Variants in TMEM120B observed in about 807,000 individuals in gnomAD.
TMEM120B encodes transmembrane protein 120B.
In TMEM120B, 31 loss-of-function variants were observed where a neutral mutation model predicts 55.5. The observed-to-expected ratio is 0.56, with a 90% CI of 0.42 to 0.75. The LOEUF is 0.75. Ranked by LOEUF, TMEM120B falls within the 30% of genes least tolerant of loss-of-function variation. The pLI is 0.00. For missense variants in TMEM120B, 399 were observed against 425.5 expected, an observed-to-expected ratio of 0.94 and a Z score of 0.55; for synonymous variants, 203 against 176.3, an observed-to-expected ratio of 1.15 and a Z score of -1.20.
chr12:121,780,773 G>C lies in TMEM120B; in HGVS notation c.*5051G>C. The C allele has an allele frequency of 7.3e-6, 10 of 1,363,786 alleles. No individual in the cohort carries two copies. The highest frequency in any genetic ancestry group is 9.9e-6 in the Non-Finnish European group (10 of 1,006,336). The allele number at this position is 1,363,786 out of a possible 1,614,324, so 84.5% of individuals were successfully genotyped here. A position where few individuals can be genotyped will look rare whatever the true frequency, so the allele number is the denominator to read the frequency against. ...TATTCTTAGAATCTTGCTTCCCTCA[G>C]CTCCCTGAAAGGCCACTAAGGCACC... On this transcript the variant is annotated 3_prime_UTR_variant, in exon 12 of 12. Transcript: ENST00000449592.
chr12:121,718,511 T>C (rs1371234717), intron 1 of TMEM120B, among the ~76,000 whole-genome samples: 2 of 151,814 alleles, frequency 1.3e-5, no homozygotes, highest in Admixed American at 6.6e-5. Flanking sequence ...GTCTCAAAAA[T>C]AAATGAATGA....
intron 7 of TMEM120B, 34 bp downstream of exon 7, chr12:121,771,006 C>G (rs1376560166): frequency 6.2e-7 from 1 of 1,609,242 alleles, no homozygotes; most frequent in Non-Finnish European, 8.5e-7. Context: ...CTCCAGCCTC[C>G]CAGGGAGTAG....
At chr12:121,728,270 A>T (rs538824711) in intron 1 of TMEM120B, among the ~76,000 whole-genome samples, 3 of 151,480 alleles carry the variant, frequency 2.0e-5, no homozygotes, top group South Asian at 2.1e-4. Context: ...TGGGCGGATC[A>T]TGAGGTCAGG....
intron 1 of TMEM120B, among the ~76,000 whole-genome samples, chr12:121,729,541 C>A (rs1426676655): frequency 1.3e-5 from 2 of 151,934 alleles, no homozygotes; most frequent in Non-Finnish European, 2.9e-5. Context: ...TGTGGTGGCT[C>A]ACACCTGTAA....
intron 1 of TMEM120B, among the ~76,000 whole-genome samples, chr12:121,737,454 G>A (rs757459872): frequency 1.3e-4 from 19 of 151,916 alleles, no homozygotes; most frequent in Admixed American, 2.6e-4. Flanking sequence ...GCAGTAAGCC[G>A]AGATTGTGCC....
At chr12:121,767,827 C>T (rs950443251) in intron 6 of TMEM120B, among the ~76,000 whole-genome samples, 4 of 152,152 alleles carry the variant, frequency 2.6e-5, no homozygotes, top group African/African-American at 7.2e-5. Flanking sequence ...GCTCTGGGCA[C>T]GGCGAGCTGT....
At chr12:121,742,289 C>T (rs1184619325) in intron 1 of TMEM120B, among the ~76,000 whole-genome samples, 1 of 151,454 alleles carries the variant, frequency 6.6e-6, no homozygotes, top group Non-Finnish European at 1.5e-5. Flanking sequence ...AGACGTGAGC[C>T]ACCGTGCCCG....
intron 8 of TMEM120B, among the ~76,000 whole-genome samples, chr12:121,772,101 TTCTC>T (rs1013708339): frequency 1.4e-5 from 2 of 139,876 alleles, no homozygotes; most frequent in Non-Finnish European, 3.0e-5. Context: ...CTCTCTCTCT[TTCTC>T]TCTTTCTCTC....
intron 6 of TMEM120B, among the ~76,000 whole-genome samples, chr12:121,767,771 C>T (rs1873896601): frequency 6.6e-6 from 1 of 152,190 alleles, no homozygotes. Flanking sequence ...CTAGCCTCAC[C>T]CGATGTCACT....
At chr12:121,763,123 C>A (rs1317475078) in intron 6 of TMEM120B, among the ~76,000 whole-genome samples, 1 of 150,190 alleles carries the variant, frequency 6.7e-6, no homozygotes, top group African/African-American at 2.4e-5. Context: ...AGGTCTAATT[C>A]CTTTTGGGGG....
intron 6 of TMEM120B, among the ~76,000 whole-genome samples, chr12:121,767,023 TG>T: frequency 1.3e-5 from 2 of 152,308 alleles, no homozygotes; most frequent in Admixed American, 1.3e-4. Flanking sequence ...GCCATGTTAA[TG>T]TGTCCTGAAG....
chr12:121,744,046 G>GTC (rs1341097303), intron 2 of TMEM120B, among the ~76,000 whole-genome samples: 3 of 150,234 alleles, frequency 2.0e-5, no homozygotes, highest in African/African-American at 7.3e-5. Context: ...GAAGGAGAGT[G>GTC]TCTCTCTTTT....
chr12:121,714,644 C>T (rs1403720260), intron 1 of TMEM120B, among the ~76,000 whole-genome samples: 1 of 149,994 alleles, frequency 6.7e-6, no homozygotes, highest in African/African-American at 2.5e-5. Context: ...TCACTGCAAC[C>T]TCCGCCTCCC....
intron 1 of TMEM120B, among the ~76,000 whole-genome samples, chr12:121,718,634 T>C (rs1894743623): frequency 6.6e-6 from 1 of 152,164 alleles, no homozygotes; most frequent in Non-Finnish European, 1.5e-5. Context: ...GCTGTATAAC[T>C]CAGATACTAA....
chr12:121,713,616 C>A (rs559528046), intron 1 of TMEM120B, among the ~76,000 whole-genome samples: 14 of 152,260 alleles, frequency 9.2e-5, no homozygotes, highest in East Asian at 7.7e-4. Context: ...TGGCCCGGAG[C>A]CTTACACGGG....
chr12:121,716,328 A>G (rs1483817705), intron 1 of TMEM120B, among the ~76,000 whole-genome samples: 1 of 149,878 alleles, frequency 6.7e-6, no homozygotes, highest in Non-Finnish European at 1.5e-5. Flanking sequence ...AAAAAAAGAG[A>G]TTTGTTGGGG....
At position 121,775,844 on chromosome 12, in the gene TMEM120B, T is replaced by C. The variant is rs748602001; in HGVS notation, c.*122T>C. ...GAGGGCCCAGGCCCTGGTCCCCCAGTGGACCCCAGTGGTCTAGAGGAATGT... is the reference window on the plus strand; with the variant it reads ...GAGGGCCCAGGCCCTGGTCCCCCAGCGGACCCCAGTGGTCTAGAGGAATGT... On this transcript the variant is annotated 3_prime_UTR_variant, in exon 12 of 12. Coordinates refer to ENST00000449592, the MANE Select transcript of TMEM120B (RefSeq NM_001080825.2). The surrounding 1 kb of genome is among the most constrained non-coding windows in gnomAD (Gnocchi z 4.3). The C allele has an allele frequency of 1.1e-4, 105 of 986,162 alleles. No individual in the cohort carries two copies. In the African/African-American group the frequency reaches 1.6e-3, roughly 15 times the overall value. The allele number at this position is 986,162 out of a possible 1,614,324, so 61.1% of individuals were successfully genotyped here. A position where few individuals can be genotyped will look rare whatever the true frequency, so the allele number is the denominator to read the frequency against.
intron 1 of TMEM120B, among the ~76,000 whole-genome samples, chr12:121,718,933 C>T (rs946556932): frequency 3.9e-5 from 6 of 152,184 alleles, no homozygotes; most frequent in Non-Finnish European, 8.8e-5. Flanking sequence ...TATTCTCAGG[C>T]AGTCCCTCCC....
At position 121,776,390 on chromosome 12, in the gene TMEM120B, C is replaced by CG; in HGVS notation, c.*672dup. 1 of 153,696 alleles carries CG rather than the reference C, an allele frequency of 6.5e-6. No individual in the cohort carries two copies. Among genetic ancestry groups the CG allele is most frequent in the Non-Finnish European group, 1.4e-5 (1 of 69,040 alleles). 9.5% of individuals were successfully genotyped at this position (153,696 alleles called of 1,614,324 possible). On this transcript the variant is annotated 3_prime_UTR_variant, in exon 12 of 12. Transcript: ENST00000449592. ...GACAAGGACGTTCCCGTCTGTGCTT[C>CG]GGGGTTCCCTGACCCCCCCATCCTG... is the stretch of plus-strand genomic sequence containing the variant.
Sources: allele counts gnomAD v4.1 joint callset (sites outside exome capture counted in the v4.1 genomes callset), GRCh38; gene constraint gnomAD v4.1.1; non-coding constraint Gnocchi (gnomAD v3.1); transcripts MANE v1.5; gene names NCBI Gene and HGNC (gene_info 2026-07-23, HGNC 2026-07-21).